CDKAL1: variants seen among roughly 807,000 people sequenced by gnomAD.
The protein encoded by CDKAL1 is threonylcarbamoyladenosine tRNA methylthiotransferase.
CDKAL1 carries 32 observed loss-of-function variants against 68.2 expected under a neutral mutation model. That is an observed-to-expected ratio of 0.47 (90% CI 0.35 to 0.63). CDKAL1 has a LOEUF of 0.63. CDKAL1 is among the 30% of genes least tolerant of loss of function. CDKAL1 has a pLI of 0.00. For synonymous variants in CDKAL1, 234 were observed against 244.3 expected, an observed-to-expected ratio of 0.96 and a Z score of 0.39; for missense variants, 606 against 696.7, an observed-to-expected ratio of 0.87 and a Z score of 1.47.
chr6:21,160,430 T>C (rs2151062344), intron 13 of CDKAL1, among the ~76,000 whole-genome samples: 1 of 151,796 alleles, frequency 6.6e-6, no homozygotes, highest in African/African-American at 2.4e-5. Context: ...CCTGAGTAGC[T>C]GGGATTACAG....
At chr6:20,612,097 G>GGCCAAATAGCATTCCATT (rs1766643132) in intron 4 of CDKAL1, among the ~76,000 whole-genome samples, 1 of 152,036 alleles carries the variant, frequency 6.6e-6, no homozygotes, top group East Asian at 1.9e-4. Flanking sequence ...CTTTCTTTAT[G>GGCCAAATAGCATTCCATT]GCCAAATAGC....
intron 12 of CDKAL1, among the ~76,000 whole-genome samples, chr6:21,105,421 A>T (rs1773796763): frequency 6.6e-6 from 1 of 152,216 alleles, no homozygotes; most frequent in African/African-American, 2.4e-5. Context: ...AGAAGGTAGC[A>T]ACAAGGCCAA....
rs192192470 is a variant in CDKAL1 at position 21,133,830 on chromosome 6, T to G, written c.1299+25367T>G. Among the ~76,000 whole-genome samples, 98 of 152,336 alleles carry G rather than the reference T, an allele frequency of 6.4e-4. 1 individual carries two copies. Among genetic ancestry groups the G allele is most frequent in the African/African-American group, 2.3e-3 (95 of 41,574 alleles). On this transcript the variant is annotated intron_variant, in intron 13 of 15. Transcript: ENST00000274695. ...ACATTTGTTTATGAAGATTGAAGAA[T>G]TAAGAGAAAGAAGGCCATGTGCACA...
intron 4 of CDKAL1, among the ~76,000 whole-genome samples, chr6:20,569,126 T>G (rs1764597133): frequency 6.6e-6 from 1 of 152,230 alleles, no homozygotes; most frequent in African/African-American, 2.4e-5. Flanking sequence ...GTGTTGCTCT[T>G]ATTTTTACTG....
At chr6:21,137,600 A>AT (rs537813315) in intron 13 of CDKAL1, among the ~76,000 whole-genome samples, 24 of 152,122 alleles carry the variant, frequency 1.6e-4, no homozygotes, top group Non-Finnish European at 2.5e-4. Context: ...ATAGAATGGG[A>AT]TTTTTTTTCT....
At chr6:21,166,474 A>G (rs2125570) in intron 13 of CDKAL1, among the ~76,000 whole-genome samples, 58,313 of 152,000 alleles carry the variant, frequency 0.38, 12,277 homozygotes, top group African/African-American at 0.57. Context: ...ACGAAATGGC[A>G]TAGACCTGCA....
intron 15 of CDKAL1, among the ~76,000 whole-genome samples, chr6:21,212,219 G>A (rs1024649657): frequency 3.3e-5 from 5 of 152,062 alleles, no homozygotes; most frequent in Non-Finnish European, 7.4e-5. Flanking sequence ...CTTGGCTCTC[G>A]GCGATATGCA....
intron 11 of CDKAL1, among the ~76,000 whole-genome samples, chr6:21,058,541 C>A (rs565736259): frequency 1.1e-4 from 17 of 152,308 alleles, no homozygotes; most frequent in African/African-American, 4.1e-4. Flanking sequence ...ATGTTTGAAT[C>A]TGATCCTGTC....
intron 9 of CDKAL1, among the ~76,000 whole-genome samples, chr6:20,912,221 C>T (rs546343678): frequency 6.6e-6 from 1 of 152,136 alleles, no homozygotes; most frequent in African/African-American, 2.4e-5. Context: ...TCCTCAAACC[C>T]CCTCCTCAGC....
At chr6:21,123,012 G>A (rs1282383067) in intron 13 of CDKAL1, among the ~76,000 whole-genome samples, 1 of 152,022 alleles carries the variant, frequency 6.6e-6, no homozygotes, top group African/African-American at 2.4e-5. Context: ...ATTTGTATGT[G>A]TATATATATG....
chr6:20,888,245 G>A (rs1434038409), intron 9 of CDKAL1, among the ~76,000 whole-genome samples: 2 of 151,776 alleles, frequency 1.3e-5, no homozygotes, highest in Non-Finnish European at 2.9e-5. Context: ...CTATCCTTGC[G>A]ATAGTTTGCT....
intron 13 of CDKAL1, among the ~76,000 whole-genome samples, chr6:21,153,398 A>G (rs1375676878): frequency 6.6e-6 from 1 of 152,192 alleles, no homozygotes; most frequent in Non-Finnish European, 1.5e-5. Context: ...TAAGTTAGCG[A>G]ACATATGTGA....
At chr6:21,088,511 A>G (rs1772823289) in intron 12 of CDKAL1, among the ~76,000 whole-genome samples, 1 of 152,246 alleles carries the variant, frequency 6.6e-6, no homozygotes, top group Non-Finnish European at 1.5e-5. Flanking sequence ...TTAATAAAGA[A>G]CAAAGTTATG....
chr6:20,755,643 T>C (rs952621559), intron 6 of CDKAL1, among the ~76,000 whole-genome samples: 4 of 152,206 alleles, frequency 2.6e-5, no homozygotes, highest in African/African-American at 9.7e-5. Flanking sequence ...CCTGGTATAA[T>C]TTAGATGCTC....
intron 8 of CDKAL1, among the ~76,000 whole-genome samples, chr6:20,809,159 T>G (rs1776689739): frequency 6.6e-6 from 1 of 152,132 alleles, no homozygotes; most frequent in African/African-American, 2.4e-5. Context: ...CCAAAACAAC[T>G]TACTGTAACA....
intron 9 of CDKAL1, among the ~76,000 whole-genome samples, chr6:20,876,398 C>G (rs559257911): frequency 1.3e-5 from 2 of 152,182 alleles, no homozygotes; most frequent in African/African-American, 4.8e-5. Context: ...CAGGGTGCCA[C>G]TACTGTTGAG....
chr6:20,809,373 T>A (rs922755611), intron 8 of CDKAL1, among the ~76,000 whole-genome samples: 4 of 152,218 alleles, frequency 2.6e-5, no homozygotes, highest in Admixed American at 2.6e-4. Flanking sequence ...TTTGGGTGTC[T>A]GTTTCCAAAA....
chr6:20,914,474 T>C (rs1762631139), intron 9 of CDKAL1, among the ~76,000 whole-genome samples: 1 of 152,180 alleles, frequency 6.6e-6, no homozygotes, highest in African/African-American at 2.4e-5. Context: ...ATTGTGTTTA[T>C]CATTTTTTCC....
intron 11 of CDKAL1, among the ~76,000 whole-genome samples, chr6:21,034,388 C>G (rs749634606): frequency 6.6e-6 from 1 of 152,124 alleles, no homozygotes; most frequent in African/African-American, 2.4e-5. Context: ...TTTGTGCCAT[C>G]TTTGTCTTAT....
Sources: gnomAD v4.1 joint callset for allele counts (sites outside exome capture counted in the v4.1 genomes callset) on GRCh38, gnomAD v4.1.1 for gene constraint, MANE v1.5 for transcripts, NCBI Gene and HGNC (gene_info 2026-07-23, HGNC 2026-07-21) for gene names.